The following GALK2 variants were observed in gnomAD, a reference collection of about 807,000 sequenced individuals.
GALK2 encodes galactokinase 2.
Under a neutral mutation model 52.4 loss-of-function variants are expected in GALK2, and 36 were observed. The observed-to-expected ratio is 0.69, with a 90% CI of 0.53 to 0.91. The LOEUF (loss-of-function observed/expected upper bound fraction) is 0.91, where lower values mean the gene tolerates loss of function less well. Among genes scored for constraint, GALK2 ranks in the 40% least tolerant of loss-of-function variants. The pLI is 0.00. For missense variants in GALK2, 579 were observed against 559.1 expected, an observed-to-expected ratio of 1.04 and a Z score of -0.36; for synonymous variants, 176 against 199.1, an observed-to-expected ratio of 0.88 and a Z score of 0.98.
At chr15:49,225,389 CG>C in intron 3 of GALK2, 2 of 372,802 alleles carry the variant, frequency 5.4e-6, no homozygotes, top group South Asian at 4.0e-5. Flanking sequence ...CACCTGAGCT[CG>C]GTCTCCCGTC....
chr15:49,195,238 A>T, intron 1 of GALK2: 2 of 348,648 alleles, frequency 5.7e-6, no homozygotes, highest in Non-Finnish European at 1.1e-5. Context: ...TGCTGGGCTA[A>T]TTTTTTGTAT....
At chr15:49,323,299 AACC>A (rs1276831669) in intron 9 of GALK2, among the ~76,000 whole-genome samples, 1 of 152,032 alleles carries the variant, frequency 6.6e-6, no homozygotes, top group African/African-American at 2.4e-5. Flanking sequence ...TTTGTTTAAA[AACC>A]ACCACCACCT....
chr15:49,338,206 T>A (rs1596284947), intron 3 of GALK2, among the ~76,000 whole-genome samples: 1 of 152,330 alleles, frequency 6.6e-6, no homozygotes, highest in East Asian at 1.9e-4. Flanking sequence ...CCGTTAATTA[T>A]GTAGTTTCTT....
intron 1 of GALK2, among the ~76,000 whole-genome samples, chr15:49,159,876 G>C (rs560144344): frequency 6.6e-6 from 1 of 152,240 alleles, no homozygotes; most frequent in Admixed American, 6.5e-5. Context: ...TGTATCAGTT[G>C]AAAGGATTCG....
At chr15:49,205,193 C>T (rs914066263) in intron 2 of GALK2, among the ~76,000 whole-genome samples, 2 of 152,220 alleles carry the variant, frequency 1.3e-5, no homozygotes, top group African/African-American at 2.4e-5. Flanking sequence ...TAAACATGCG[C>T]GTGCACATAT....
At chr15:49,260,212 TC>T (rs1191623214) in intron 5 of GALK2, among the ~76,000 whole-genome samples, 1 of 151,980 alleles carries the variant, frequency 6.6e-6, no homozygotes, top group Non-Finnish European at 1.5e-5. Flanking sequence ...GTAAAAGTGT[TC>T]CTATTTCTCC....
chr15:49,225,715 T>C (rs989151911), intron 3 of GALK2, among the ~76,000 whole-genome samples: 5 of 152,250 alleles, frequency 3.3e-5, no homozygotes, highest in Admixed American at 3.3e-4. Flanking sequence ...GCTCCTTCCC[T>C]GCTCTAGCAC....
chr15:49,244,872 T>C (rs2091271825), intron 5 of GALK2, among the ~76,000 whole-genome samples: 1 of 151,644 alleles, frequency 6.6e-6, no homozygotes, highest in African/African-American at 2.4e-5. Context: ...AAAAAACTGG[T>C]TAATCTGATA....
chr15:49,258,788 A>ATGTGTGTGTG (rs1468439517), intron 5 of GALK2, among the ~76,000 whole-genome samples: 110 of 113,368 alleles, frequency 9.7e-4, no homozygotes, highest in African/African-American at 3.0e-3. Context: ...ATATATATAT[A>ATGTGTGTGTG]TATATATGTG....
chr15:49,175,789 A>G (rs1384776730), intron 1 of GALK2, among the ~76,000 whole-genome samples: 1 of 152,096 alleles, frequency 6.6e-6, no homozygotes, highest in African/African-American at 2.4e-5. Context: ...TTAAAGATCA[A>G]CCCCTGACCT....
chr15:49,166,554 A>G (rs1489638946), upstream of GALK2, among the ~76,000 whole-genome samples: 10 of 152,044 alleles, frequency 6.6e-5, no homozygotes, highest in African/African-American at 2.2e-4. Flanking sequence ...CCCCATCTCT[A>G]CTAAAAATAC....
intron 5 of GALK2, among the ~76,000 whole-genome samples, chr15:49,251,992 G>A (rs1289836956): frequency 6.6e-6 from 1 of 152,050 alleles, no homozygotes. Flanking sequence ...TTGGCCCGGT[G>A]CGGTGCCTCA....
chr15:49,236,016 A>T, intron 4 of GALK2, 75 bp downstream of exon 4: 1 of 918,926 alleles, frequency 1.1e-6, no homozygotes, highest in Non-Finnish European at 1.8e-6. Flanking sequence ...TTTATTTACT[A>T]CATCTTTTTC....
exon 4 of GALK2, chr15:49,367,704 A>G (rs2045429174): frequency 1.8e-6 from 2 of 1,129,106 alleles, no homozygotes; most frequent in Middle Eastern, 5.7e-4. Flanking sequence ...TAAAGTTACC[A>G]TTTGATATAT....
At chr15:49,267,621 A>G (rs1347410476) in intron 5 of GALK2, among the ~76,000 whole-genome samples, 1 of 152,168 alleles carries the variant, frequency 6.6e-6, no homozygotes, top group Non-Finnish European at 1.5e-5. Flanking sequence ...TCTTCTACAC[A>G]TAATGCCATT....
chr15:49,304,761 A>G (rs577880845), intron 8 of GALK2, among the ~76,000 whole-genome samples: 2 of 152,250 alleles, frequency 1.3e-5, no homozygotes, highest in African/African-American at 4.8e-5. Context: ...CTCATATACA[A>G]ATACGAAGTT....
intron 3 of GALK2, among the ~76,000 whole-genome samples, chr15:49,220,411 A>G (rs953261530): frequency 6.6e-6 from 1 of 152,002 alleles, no homozygotes; most frequent in Admixed American, 6.5e-5. Flanking sequence ...TGCAAATGAC[A>G]TGATTTTATT....
rs1352379921 is a variant in GALK2 at position 49,330,689 on chromosome 15, C to T, written c.*2530C>T. On this transcript the variant is annotated 3_prime_UTR_variant, in exon 10 of 10. Coordinates refer to ENST00000560031, the MANE Select transcript of GALK2 (RefSeq NM_002044.4). ...ACACTTGCACTGTTGTTTTCCTATT[C>T]TAATTAGGTATTTCTCTGTGCCCAT... 2 of 150,402 alleles carry T rather than the reference C, an allele frequency of 1.3e-5. No individual in the cohort carries two copies. The highest frequency in any genetic ancestry group is 2.9e-5 in the Non-Finnish European group (2 of 67,848). 9.3% of individuals were successfully genotyped at this position (150,402 alleles called of 1,614,324 possible).
chr15:49,298,724 T>C (rs932203757), intron 8 of GALK2, among the ~76,000 whole-genome samples: 2 of 152,222 alleles, frequency 1.3e-5, no homozygotes, highest in Non-Finnish European at 2.9e-5. Flanking sequence ...GATTTGCCTA[T>C]GTTGAACTAA....
Sources: allele counts gnomAD v4.1 joint callset (sites outside exome capture counted in the v4.1 genomes callset), GRCh38; gene constraint gnomAD v4.1.1; transcripts MANE v1.5; gene names NCBI Gene and HGNC (gene_info 2026-07-23, HGNC 2026-07-21).